Variants in NDNF observed in about 807,000 individuals in gnomAD.
NDNF encodes the protein protein NDNF.
In NDNF, 16 loss-of-function variants were observed where a neutral mutation model predicts 42.0. The observed-to-expected ratio is 0.38, with a 90% CI of 0.26 to 0.58. NDNF has a LOEUF of 0.58. NDNF is among the 20% of genes least tolerant of loss of function. The probability of loss-of-function intolerance (pLI) is 0.67; values close to 1 mark genes in which losing one functional copy is unlikely to be tolerated. For synonymous variants in NDNF, 248 were observed against 251.7 expected (o/e 0.99, Z 0.14); for missense variants, 616 against 666.2 (o/e 0.92, Z 0.83).
chr4:121,069,523 T>C (rs754863584), intron 1 of NDNF, among the ~76,000 whole-genome samples: 5 of 152,258 alleles, frequency 3.3e-5, no homozygotes, highest in Non-Finnish European at 7.3e-5. Context: ...CTAGCTTCTT[T>C]TTTATGATAG....
At chr4:121,056,259 G>A (rs1727293552) in intron 1 of NDNF, among the ~76,000 whole-genome samples, 2 of 152,168 alleles carry the variant, frequency 1.3e-5, no homozygotes, top group South Asian at 4.1e-4. Context: ...AGTGGCAGAT[G>A]GTGAGCTCAG....
chr4:121,039,597 A>G (rs1372204689), intron 3 of NDNF, among the ~76,000 whole-genome samples: 2 of 152,012 alleles, frequency 1.3e-5, no homozygotes, highest in Non-Finnish European at 2.9e-5. Context: ...AGACCTTTGC[A>G]AGATCTAGGC....
intron 1 of NDNF, among the ~76,000 whole-genome samples, chr4:121,070,381 T>G (rs1275828983): frequency 6.6e-6 from 1 of 152,214 alleles, no homozygotes; most frequent in Non-Finnish European, 1.5e-5. Context: ...TTATCTCTAC[T>G]TCTCCGAACC....
At chr4:121,057,223 C>T (rs1727311864) in intron 1 of NDNF, among the ~76,000 whole-genome samples, 1 of 152,122 alleles carries the variant, frequency 6.6e-6, no homozygotes, top group Non-Finnish European at 1.5e-5. Context: ...AGAAGGGGCC[C>T]TTCTAGGCTA....
chr4:121,069,256 A>G (rs1280082764), intron 1 of NDNF, among the ~76,000 whole-genome samples: 2 of 152,200 alleles, frequency 1.3e-5, no homozygotes, highest in African/African-American at 4.8e-5. Flanking sequence ...TGTTGTGACA[A>G]TAGTCTTTAC....
chr4:121,065,212 T>C (rs553154653), intron 1 of NDNF, among the ~76,000 whole-genome samples: 1 of 152,318 alleles, frequency 6.6e-6, no homozygotes, highest in East Asian at 1.9e-4. Context: ...TTTCGTTAAT[T>C]GATATAGTAT....
intron 2 of NDNF, among the ~76,000 whole-genome samples, chr4:121,042,022 A>G (rs1050681057): frequency 6.6e-6 from 1 of 151,890 alleles, no homozygotes; most frequent in Non-Finnish European, 1.5e-5. Context: ...TTTCCAACTC[A>G]CTCTGGATCA....
intron 1 of NDNF, among the ~76,000 whole-genome samples, chr4:121,053,674 A>G (rs1727238402): frequency 6.6e-6 from 1 of 152,156 alleles, no homozygotes; most frequent in Non-Finnish European, 1.5e-5. Flanking sequence ...AATACTAAAT[A>G]CCTTCTTCCT....
chr4:121,042,042 A>T (rs537268418), intron 2 of NDNF, among the ~76,000 whole-genome samples: 18 of 152,284 alleles, frequency 1.2e-4, no homozygotes, highest in Admixed American at 4.6e-4. Flanking sequence ...AGGTCCTCTG[A>T]TGCATTCTCA....
chr4:121,071,097 G>A (rs1005904598), intron 1 of NDNF, among the ~76,000 whole-genome samples: 1 of 152,188 alleles, frequency 6.6e-6, no homozygotes, highest in African/African-American at 2.4e-5. Context: ...GCTGGGACCT[G>A]CAATCACTCG....
At chr4:121,041,791 A>C (rs1727002474) in intron 2 of NDNF, among the ~76,000 whole-genome samples, 1 of 152,146 alleles carries the variant, frequency 6.6e-6, no homozygotes, top group Non-Finnish European at 1.5e-5. Context: ...ATGACTTTAC[A>C]TGTGAGTTGG....
chr4:121,069,596 T>C (rs1434606152), intron 1 of NDNF, among the ~76,000 whole-genome samples: 1 of 152,202 alleles, frequency 6.6e-6, no homozygotes, highest in Non-Finnish European at 1.5e-5. Flanking sequence ...ACAGGTTTAA[T>C]GAATAAAATG....
At chr4:121,058,886 AAAGT>A (rs573841006) in intron 1 of NDNF, among the ~76,000 whole-genome samples, 34 of 151,802 alleles carry the variant, frequency 2.2e-4, no homozygotes, top group South Asian at 6.2e-4. Flanking sequence ...GAAAAAATTA[AAAGT>A]AAGATGGCTT....
intron 1 of NDNF, among the ~76,000 whole-genome samples, chr4:121,057,355 G>A (rs1187345214): frequency 6.6e-6 from 1 of 152,154 alleles, no homozygotes; most frequent in Non-Finnish European, 1.5e-5. Flanking sequence ...AGAACACTGA[G>A]GAAGAGACAG....
At chr4:121,062,330 T>C (rs1007296820) in intron 1 of NDNF, among the ~76,000 whole-genome samples, 3 of 152,220 alleles carry the variant, frequency 2.0e-5, no homozygotes, top group Non-Finnish European at 4.4e-5. Flanking sequence ...TGATCAACAC[T>C]GGTTCAAAGC....
At position 121,045,764 on chromosome 4, in the gene NDNF, C is replaced by T. The variant is rs202087102; in HGVS notation, c.74G>A (p.Arg25Gln). 5.6e-6 allele frequency: 9 copies of T among 1,614,136 alleles called. No homozygotes were observed. Among genetic ancestry groups the T allele is most frequent in the East Asian group, 2.2e-5 (1 of 44,882 alleles). The change falls in exon 2 of 4, where the codon CGG becomes CAG. Residue 25 changes from arginine (R) to glutamine (Q), a missense_variant. Coordinates refer to ENST00000379692, the MANE Select transcript of NDNF (RefSeq NM_024574.4). Reference protein sequence around the residue: ...LSSRTQKLPTRDEELFQMQIR... With the variant: ...LSSRTQKLPTQDEELFQMQIR... ...CTGCATCTGAAAAAGTTCCTCATCC[C>T]GGGTGGGTAACTTCTGGGTCCTTGA...
chr4:121,058,768 T>C (rs1438712150), intron 1 of NDNF, among the ~76,000 whole-genome samples: 1 of 152,194 alleles, frequency 6.6e-6, no homozygotes, highest in Non-Finnish European at 1.5e-5. Flanking sequence ...AATTATCCAC[T>C]TATTGCATCT....
chr4:121,058,283 C>T (rs1511091), intron 1 of NDNF, among the ~76,000 whole-genome samples: 128,413 of 152,168 alleles, frequency 0.84, 54,465 homozygotes, highest in Non-Finnish European at 0.88. Flanking sequence ...AAGTTAGGGG[C>T]GGCTGTTTAC....
At chr4:121,047,794 C>T (rs1266770574) in intron 1 of NDNF, among the ~76,000 whole-genome samples, 4 of 152,292 alleles carry the variant, frequency 2.6e-5, no homozygotes, top group South Asian at 4.1e-4. Flanking sequence ...AAGAATAAGA[C>T]CAGGCCTTCT....
Sources: gnomAD v4.1 joint callset for allele counts (sites outside exome capture counted in the v4.1 genomes callset) on GRCh38, gnomAD v4.1.1 for gene constraint, MANE v1.5 for transcripts, NCBI Gene and HGNC (gene_info 2026-07-23, HGNC 2026-07-21) for gene names.